Variants in TRIP12 observed in about 807,000 individuals in gnomAD.
TRIP12 encodes thyroid hormone receptor interactor 12.
In TRIP12, 25 loss-of-function variants were observed where a neutral mutation model predicts 244.2. That is an observed-to-expected ratio of 0.10 (90% confidence interval 0.07 to 0.14). TRIP12 has a LOEUF of 0.14. Among genes scored for constraint, TRIP12 ranks in the 10% least tolerant of loss-of-function variants. The probability of loss-of-function intolerance (pLI) is 1.00; values close to 1 mark genes in which losing one functional copy is unlikely to be tolerated. For synonymous variants in TRIP12, 905 were observed against 873.1 expected (o/e 1.04, Z -0.64); for missense variants, 1,677 against 2,486.4 (o/e 0.67, Z 6.92).
rs866107192 is a variant in TRIP12, at chr2:229,789,838, C to T, written c.4544-76G>A. ...GCCAGTGCAGCCAAGGTCCTATCAT[C>T]GCTAAAAGAGTAACAGAAGTTGTTA... On this transcript the variant is annotated intron_variant, in intron 30 of 41. Coordinates refer to ENST00000675903, the MANE Select transcript of TRIP12 (RefSeq NM_001348323.3). 19 of 1,499,168 alleles carry T rather than the reference C, an allele frequency of 1.3e-5. No homozygotes were observed. The Middle Eastern group carries it at 1.6e-3, about 126-fold the overall frequency. The allele number at this position is 1,499,168 out of a possible 1,614,324, so 92.9% of individuals were successfully genotyped here. A position where few individuals can be genotyped will look rare whatever the true frequency, so the allele number is the denominator to read the frequency against.
intron 1 of TRIP12, among the ~76,000 whole-genome samples, chr2:229,897,239 T>C (rs1050439152): frequency 1.3e-5 from 2 of 152,242 alleles, no homozygotes; most frequent in African/African-American, 4.8e-5. Flanking sequence ...TCAATTTATA[T>C]ACACTTCATT....
intron 1 of TRIP12, among the ~76,000 whole-genome samples, chr2:229,895,619 C>T (rs993230974): frequency 1.3e-5 from 2 of 150,304 alleles, no homozygotes; most frequent in African/African-American, 4.9e-5. Flanking sequence ...AAATATATCA[C>T]AGAAAGAACA....
At chr2:229,790,366 TAATAG>T (rs752867907) in intron 30 of TRIP12, among the ~76,000 whole-genome samples, 1 of 152,298 alleles carries the variant, frequency 6.6e-6, no homozygotes, top group East Asian at 1.9e-4. Flanking sequence ...CATCATTTCA[TAATAG>T]AAAACAGCAT....
At position 229,829,307 on chromosome 2, in the gene TRIP12, CA is replaced by C; in HGVS notation, c.1355-20del. On this transcript the variant is annotated intron_variant, in intron 7 of 41. Coordinates refer to ENST00000675903, the MANE Select transcript of TRIP12 (RefSeq NM_001348323.3). ...AACAAAGCTAAAGAAAAAAGAAGGGCAGAGTGAACAACTAAGATGACTTCAT... is the reference window on the plus strand; with the variant it reads ...AACAAAGCTAAAGAAAAAAGAAGGGCGAGTGAACAACTAAGATGACTTCAT... 3.1e-6 allele frequency: 5 copies of C among 1,599,034 alleles called. No individual in the cohort carries two copies. Among genetic ancestry groups the C allele is most frequent in the Non-Finnish European group, 4.3e-6 (5 of 1,170,518 alleles).
chr2:229,840,976 C>T, intron 4 of TRIP12, 49 bp from the exon 5 acceptor site: 1 of 1,329,322 alleles, frequency 7.5e-7, no homozygotes, highest in Non-Finnish European at 1.0e-6. Context: ...GAAATTATCA[C>T]TAATTAAAAA....
chr2:229,853,677 A>T (rs574906482), intron 4 of TRIP12, among the ~76,000 whole-genome samples: 2 of 131,764 alleles, frequency 1.5e-5, no homozygotes, highest in African/African-American at 5.1e-5. Context: ...ATAAATAAAT[A>T]AAATACATAC....
At chr2:229,789,149 C>T (rs1222626054) in intron 31 of TRIP12, among the ~76,000 whole-genome samples, 2 of 152,178 alleles carry the variant, frequency 1.3e-5, no homozygotes, top group African/African-American at 4.8e-5. Flanking sequence ...ATACCCCTTG[C>T]CACTGCTGCG....
At chr2:229,907,969 CAA>C (rs879490412) in intron 1 of TRIP12, among the ~76,000 whole-genome samples, 9 of 137,260 alleles carry the variant, frequency 6.6e-5, no homozygotes, top group Admixed American at 7.3e-5. Context: ...GAACTAGTGT[CAA>C]AAAAAAAAAA....
intron 39 of TRIP12, 49 bp from the exon 40 acceptor site, chr2:229,769,374 T>C: frequency 1.9e-6 from 3 of 1,577,572 alleles, no homozygotes; most frequent in Non-Finnish European, 2.6e-6. Flanking sequence ...AACATTTGTT[T>C]ACGTGAGTGA....
At chr2:229,863,437 A>G (rs2060809102) in intron 2 of TRIP12, among the ~76,000 whole-genome samples, 1 of 152,182 alleles carries the variant, frequency 6.6e-6, no homozygotes, top group Non-Finnish European at 1.5e-5. Context: ...AAATATTTTC[A>G]GCTTCCTGGG....
chr2:229,787,484 A>G, intron 33 of TRIP12, 21 bp downstream of exon 33: 1 of 1,590,934 alleles, frequency 6.3e-7, no homozygotes, highest in Non-Finnish European at 8.5e-7. Context: ...GATTATTTAA[A>G]GATTTTGGGG....
chr2:229,781,782 T>G (rs1257453237), intron 34 of TRIP12, among the ~76,000 whole-genome samples: 1 of 152,180 alleles, frequency 6.6e-6, no homozygotes, highest in African/African-American at 2.4e-5. Flanking sequence ...ACAGCTGAAT[T>G]TGAATCATAA....
Position 229,832,582 on chromosome 2 carries a change from A to G in TRIP12, c.1271-1743T>C, listed in dbSNP as rs186478256. On this transcript the variant is annotated intron_variant, in intron 6 of 41. Transcript: ENST00000675903. ...CATTTATGAAAACGCTTACCATACA[A>G]CACAGGCATTGTCTAAGTTTCCTCA... is the stretch of plus-strand genomic sequence containing the variant. 3.1e-3 allele frequency among the ~76,000 whole-genome samples: 473 copies of G among 152,316 alleles called. 5 individuals carry two copies. The highest frequency in any genetic ancestry group is 2.9e-3 in the Non-Finnish European group (199 of 68,030).
chr2:229,804,960 T>C (rs2045468925), intron 18 of TRIP12, among the ~76,000 whole-genome samples: 1 of 152,128 alleles, frequency 6.6e-6, no homozygotes, highest in South Asian at 2.1e-4. Context: ...GGCTGGAGTG[T>C]GGTGGCAGGA....
At chr2:229,867,043 C>G (rs1012593449) in intron 2 of TRIP12, among the ~76,000 whole-genome samples, 1 of 150,382 alleles carries the variant, frequency 6.6e-6, no homozygotes, top group African/African-American at 2.4e-5. Context: ...CTACTTGTAC[C>G]CTGAAAGCTA....
upstream of TRIP12, chr2:229,922,531 G>C: frequency 6.2e-7 from 1 of 1,613,894 alleles, no homozygotes; most frequent in Middle Eastern, 1.7e-4. Flanking sequence ...CGTGGCTGCC[G>C]GAGACTCTCT....
At chr2:229,884,341 A>G (rs560836584) in intron 1 of TRIP12, among the ~76,000 whole-genome samples, 2 of 146,942 alleles carry the variant, frequency 1.4e-5, no homozygotes, top group Admixed American at 6.9e-5. Context: ...GGCTCAAGCG[A>G]TTCTCCTGCC....
At chr2:229,868,850 C>A (rs931748845) in intron 2 of TRIP12, among the ~76,000 whole-genome samples, 4 of 152,184 alleles carry the variant, frequency 2.6e-5, no homozygotes, top group African/African-American at 9.7e-5. Flanking sequence ...ACAGCTACAT[C>A]TCAAGAATAT....
At chr2:229,797,619 G>T in intron 24 of TRIP12, 71 bp downstream of exon 24, 1 of 1,570,520 alleles carries the variant, frequency 6.4e-7, no homozygotes, top group South Asian at 1.2e-5. Flanking sequence ...AGAGAGTCAT[G>T]AAGGAAAAGA....
Sources: allele counts gnomAD v4.1 joint callset (sites outside exome capture counted in the v4.1 genomes callset), GRCh38; gene constraint gnomAD v4.1.1; transcripts MANE v1.5; gene names NCBI Gene and HGNC (gene_info 2026-07-23, HGNC 2026-07-21).